NTN1: variants seen among roughly 807,000 people sequenced by gnomAD.
The protein encoded by NTN1 is netrin 1, also known as netrin-1.
Under a neutral mutation model 54.2 loss-of-function variants are expected in NTN1, and 11 were observed. The ratio of observed to expected loss-of-function variants is 0.20; its 90% CI spans 0.13 to 0.34. The LOEUF (loss-of-function observed/expected upper bound fraction) is 0.34, where lower values mean the gene tolerates loss of function less well. NTN1 is among the 10% of genes least tolerant of loss of function. NTN1 has a pLI of 1.00. For synonymous variants in NTN1, 371 were observed against 382.0 expected (o/e 0.97, Z 0.33); for missense variants, 740 against 893.1 (o/e 0.83, Z 2.18).
chr17:9,227,328 CACAG>C, intron 6 of NTN1, among the ~76,000 whole-genome samples: 1 of 76,136 alleles, frequency 1.3e-5, no homozygotes, highest in East Asian at 3.5e-4. Flanking sequence ...ACACATCAAA[CACAG>C]ATACACAGAC....
In NTN1 at chr17:9,072,064, A is replaced by G. The variant is rs184501051; in HGVS notation, c.1018+48673A>G. On this transcript the variant is annotated intron_variant, in intron 2 of 6. Coordinates refer to ENST00000173229, the MANE Select transcript of NTN1 (RefSeq NM_004822.3). Reference sequence around the variant, plus strand: ...AGTCGGGAGGGAAGCCGGGGCTGGGAGTAGGATCTCTGCCCTTTGCACAGC... The same window carrying G: ...AGTCGGGAGGGAAGCCGGGGCTGGGGGTAGGATCTCTGCCCTTTGCACAGC... Among the ~76,000 whole-genome samples the G allele has an allele frequency of 2.4e-4, 36 of 152,216 alleles. 1 individual carries two copies. The highest frequency in any genetic ancestry group is 1.9e-3 in the Admixed American group (29 of 15,296).
chr17:9,090,570 A>G (rs1471270485), intron 2 of NTN1, among the ~76,000 whole-genome samples: 1 of 152,078 alleles, frequency 6.6e-6, no homozygotes, highest in Non-Finnish European at 1.5e-5. Flanking sequence ...TTAGGAGCAG[A>G]AAGAGGGGGA....
In NTN1 at chr17:9,213,742, A is replaced by G. The variant is rs367835423; in HGVS notation, c.1412-7426A>G. ...GAACAGATCAAATAGCGTGAAATCG[A>G]TTTGTCCTTTAAATGTTTACATGGA... On this transcript the variant is annotated intron_variant, in intron 5 of 6. Coordinates refer to ENST00000173229, the MANE Select transcript of NTN1 (RefSeq NM_004822.3). Among the ~76,000 whole-genome samples, 7 of 152,084 alleles carry G rather than the reference A, an allele frequency of 4.6e-5. No individual in the cohort carries two copies. In the East Asian group the frequency reaches 7.7e-4, roughly 17 times the overall value.
At position 9,221,147 on chromosome 17, in the gene NTN1, T is replaced by TCCCCCCC. The variant is rs113893303; in HGVS notation, c.1412-19_1412-13dup. 582 of 1,303,700 alleles carry TCCCCCCC rather than the reference T, an allele frequency of 4.5e-4. 2 individuals are homozygous for TCCCCCCC. The highest frequency in any genetic ancestry group is 1.8e-3 in the Admixed American group (88 of 47,746). The allele number at this position is 1,303,700 out of a possible 1,614,324, so 80.8% of individuals were successfully genotyped here. On this transcript the variant is annotated intron_variant, in intron 5 of 6. Transcript: ENST00000173229. The surrounding 1 kb of genome is among the most constrained non-coding windows in gnomAD (Gnocchi z 4.5). ...CAGCCTAATTAGTTTTTGTCTGTGC[T>TCCCCCCC]CCCCCCCCACCCCCCTGCAGACTGC... is the stretch of plus-strand genomic sequence containing the variant.
chr17:9,026,268 C>T (rs2091870158), intron 2 of NTN1, among the ~76,000 whole-genome samples: 1 of 151,918 alleles, frequency 6.6e-6, no homozygotes, highest in Non-Finnish European at 1.5e-5. Flanking sequence ...ATGCACATAT[C>T]CTATATGTTT....
At chr17:9,193,352 T>G (rs1193375672) in intron 5 of NTN1, among the ~76,000 whole-genome samples, 2 of 152,214 alleles carry the variant, frequency 1.3e-5, no homozygotes, top group Non-Finnish European at 2.9e-5. Flanking sequence ...AGTTACATTC[T>G]CATCACCCAG....
chr17:9,091,995 A>G (rs1230364890), intron 2 of NTN1, among the ~76,000 whole-genome samples: 4 of 151,810 alleles, frequency 2.6e-5, no homozygotes, highest in African/African-American at 4.8e-5. Flanking sequence ...GGTTCAAGCG[A>G]TTCTCCTGCC....
At chr17:9,079,161 G>A (rs2092061665) in intron 2 of NTN1, among the ~76,000 whole-genome samples, 1 of 152,192 alleles carries the variant, frequency 6.6e-6, no homozygotes, top group African/African-American at 2.4e-5. Context: ...CCAGAGCTGA[G>A]GTTGTGATGG....
chr17:9,114,166 A>AATATAT lies in NTN1; in HGVS notation c.1019-48632_1019-48627dup, dbSNP rs34188198. Among the ~76,000 whole-genome samples, 608 of 74,376 alleles carry AATATAT rather than the reference A, an allele frequency of 8.2e-3. 17 individuals are homozygous for AATATAT. The highest frequency in any genetic ancestry group is 0.018 in the African/African-American group (310 of 17,108). The allele number at this position is 74,376 out of a possible 152,430, so 48.8% of individuals were successfully genotyped here. On this transcript the variant is annotated intron_variant, in intron 2 of 6. Transcript: ENST00000173229. ...GCCAAAAAAAAAGAAAAAAAAAAAA[A>AATATAT]ATATATATATATATATATATGATTC... is the stretch of plus-strand genomic sequence containing the variant.
At chr17:9,222,813 A>C (rs1332142084) in intron 6 of NTN1, among the ~76,000 whole-genome samples, 1 of 152,224 alleles carries the variant, frequency 6.6e-6, no homozygotes, top group East Asian at 1.9e-4. Context: ...CTTTTAGCAC[A>C]GTGAAATGAA....
chr17:9,139,240 CA>C (rs558105134), intron 2 of NTN1, among the ~76,000 whole-genome samples: 28 of 152,116 alleles, frequency 1.8e-4, no homozygotes, highest in Non-Finnish European at 3.7e-4. Flanking sequence ...GCTTTCTGAT[CA>C]GACAATAAAT....
At chr17:9,025,899 A>G (rs2091869053) in intron 2 of NTN1, among the ~76,000 whole-genome samples, 1 of 152,236 alleles carries the variant, frequency 6.6e-6, no homozygotes, top group Non-Finnish European at 1.5e-5. Context: ...ACTTTGGACT[A>G]TCAGAGGCTC....
chr17:9,236,290 A>G (rs78803379), intron 6 of NTN1, among the ~76,000 whole-genome samples: 1 of 152,134 alleles, frequency 6.6e-6, no homozygotes, highest in Non-Finnish European at 1.5e-5. Flanking sequence ...GGTTCCATGT[A>G]GCCCAGAGAT....
chr17:9,206,483 A>G (rs1597537953), intron 5 of NTN1, among the ~76,000 whole-genome samples: 2 of 151,482 alleles, frequency 1.3e-5, no homozygotes. Flanking sequence ...CCTCGGGGGG[A>G]GGGGGCTGGG....
intron 2 of NTN1, among the ~76,000 whole-genome samples, chr17:9,144,710 T>G (rs1048887363): frequency 6.6e-6 from 1 of 152,230 alleles, no homozygotes; most frequent in Non-Finnish European, 1.5e-5. Context: ...AGGCCCCCTC[T>G]TAGCACCTCG....
At chr17:9,197,345 C>T (rs4791816) in intron 5 of NTN1, among the ~76,000 whole-genome samples, 89,412 of 151,824 alleles carry the variant, frequency 0.59, 27,061 homozygotes, top group East Asian at 0.69. Context: ...AAGCTTCCTC[C>T]TCCTGAAGAG....
At chr17:9,208,585 A>G (rs1258307240) in intron 5 of NTN1, among the ~76,000 whole-genome samples, 1 of 152,224 alleles carries the variant, frequency 6.6e-6, no homozygotes, top group Non-Finnish European at 1.5e-5. Flanking sequence ...GGAAGGCTAC[A>G]CAGGGAAGTG....
At chr17:9,016,055 C>T in the NTN1 span, among the ~76,000 whole-genome samples, 17 of 151,584 alleles carry the variant, frequency 1.1e-4, no homozygotes, top group South Asian at 2.1e-4. Context: ...GCCTGGGCGA[C>T]AAGAGCAAAA....
At chr17:9,098,925 T>C (rs1164511038) in intron 2 of NTN1, among the ~76,000 whole-genome samples, 2 of 152,258 alleles carry the variant, frequency 1.3e-5, no homozygotes, top group African/African-American at 4.8e-5. Flanking sequence ...TCTTTCCTTC[T>C]AGGGAACACA....
Sources: gnomAD v4.1 joint callset for allele counts (sites outside exome capture counted in the v4.1 genomes callset) on GRCh38, gnomAD v4.1.1 for gene constraint, Gnocchi (gnomAD v3.1) non-coding constraint, MANE v1.5 for transcripts, NCBI Gene and HGNC (gene_info 2026-07-23, HGNC 2026-07-21) for gene names.